The following QKI variants were observed in gnomAD, a reference collection of about 807,000 sequenced individuals.
QKI encodes the protein QKI, KH domain containing RNA binding, also known as KH domain-containing RNA-binding protein QKI.
QKI carries 10 observed loss-of-function variants against 39.0 expected under a neutral mutation model. The observed-to-expected ratio is 0.26, with a 90% CI of 0.16 to 0.43. The LOEUF (loss-of-function observed/expected upper bound fraction) is 0.43. QKI is among the 20% of genes least tolerant of loss of function. The pLI is 1.00. For missense variants in QKI, 218 were observed against 428.0 expected, an observed-to-expected ratio of 0.51 and a Z score of 4.33; for synonymous variants, 204 against 155.4, an observed-to-expected ratio of 1.31 and a Z score of -2.33.
At chr6:163,443,371 C>A (rs1789900265) in intron 1 of QKI, among the ~76,000 whole-genome samples, 1 of 152,214 alleles carries the variant, frequency 6.6e-6, no homozygotes, top group Non-Finnish European at 1.5e-5. Context: ...GAGTTCAAAA[C>A]CAGCCTGGCC....
intron 4 of QKI, among the ~76,000 whole-genome samples, chr6:163,538,358 G>A (rs189723122): frequency 2.6e-5 from 4 of 152,312 alleles, no homozygotes; most frequent in South Asian, 4.1e-4. Flanking sequence ...ACTGGGATTA[G>A]GGAACTGCTA....
chr6:163,423,303 T>G (rs1040810512), intron 1 of QKI: 3 of 152,142 alleles, frequency 2.0e-5, no homozygotes, highest in African/African-American at 7.2e-5. Context: ...CAAATAAAAT[T>G]TGGAACCTTT....
intron 3 of QKI, among the ~76,000 whole-genome samples, chr6:163,499,805 C>T (rs1156857799): frequency 6.6e-6 from 1 of 151,960 alleles, no homozygotes; most frequent in Admixed American, 6.6e-5. Context: ...AGACACAAAA[C>T]TGGGAGGTTC....
chr6:163,518,846 C>G (rs530905688), intron 3 of QKI, among the ~76,000 whole-genome samples: 4 of 152,242 alleles, frequency 2.6e-5, no homozygotes, highest in African/African-American at 7.2e-5. Flanking sequence ...ATAGATTGCC[C>G]TTTTCCATAG....
intron 3 of QKI, among the ~76,000 whole-genome samples, chr6:163,503,324 T>G (rs1400507468): frequency 1.3e-5 from 2 of 152,072 alleles, no homozygotes; most frequent in Admixed American, 1.3e-4. Context: ...CTAATTTCAT[T>G]CTTCTGCATG....
intron 4 of QKI, among the ~76,000 whole-genome samples, chr6:163,552,997 C>A (rs919185052): frequency 6.6e-6 from 1 of 151,402 alleles, no homozygotes; most frequent in Non-Finnish European, 1.5e-5. Context: ...GCCTCTCTGT[C>A]CCACCTCTCA....
chr6:163,503,353 A>G (rs1010722729), intron 3 of QKI, among the ~76,000 whole-genome samples: 1 of 151,956 alleles, frequency 6.6e-6, no homozygotes, highest in Non-Finnish European at 1.5e-5. Flanking sequence ...CAGCTCTCCC[A>G]GCACCATTGA....
intron 3 of QKI, among the ~76,000 whole-genome samples, chr6:163,516,880 C>T (rs1779834387): frequency 1.3e-5 from 2 of 152,088 alleles, no homozygotes; most frequent in South Asian, 4.1e-4. Flanking sequence ...TGTTTTGAAA[C>T]ACATATCATA....
chr6:163,561,976 G>A lies in QKI; in HGVS notation c.547-6G>A, dbSNP rs769375771. 21 of 1,611,060 alleles carry A rather than the reference G, an allele frequency of 1.3e-5. No individual in the cohort carries two copies. Among genetic ancestry groups the A allele is most frequent in the African/African-American group, 8.0e-5 (6 of 74,902 alleles). ...TGCTTTCATCTCATGTGTTTTCCAT[G>A]TATAGGCAGAAGGAGAAGACAGCCT... On this transcript the variant is annotated splice_region_variant and splice_polypyrimidine_tract_variant and intron_variant, in intron 4 of 7. Transcript: ENST00000361752.
intron 2 of QKI, among the ~76,000 whole-genome samples, chr6:163,472,000 C>T (rs1038838381): frequency 1.3e-5 from 2 of 152,098 alleles, no homozygotes; most frequent in Non-Finnish European, 2.9e-5. Context: ...AAGAAGGCCA[C>T]TTCATAATGA....
chr6:163,442,250 G>A (rs557814365), intron 1 of QKI, among the ~76,000 whole-genome samples: 1 of 152,202 alleles, frequency 6.6e-6, no homozygotes, highest in South Asian at 2.1e-4. Flanking sequence ...TCTGTAAAAT[G>A]TGCATTTTTG....
chr6:163,444,586 C>T (rs760194651), intron 1 of QKI, among the ~76,000 whole-genome samples: 4 of 152,032 alleles, frequency 2.6e-5, no homozygotes, highest in Non-Finnish European at 4.4e-5. Flanking sequence ...AAAGCTTTTG[C>T]AGGGAAAGTC....
At chr6:163,545,697 G>A (rs1296539772) in intron 4 of QKI, among the ~76,000 whole-genome samples, 1 of 151,926 alleles carries the variant, frequency 6.6e-6, no homozygotes, top group Non-Finnish European at 1.5e-5. Flanking sequence ...GTAAGGATTC[G>A]TTGAGGAACC....
intron 1 of QKI, chr6:163,455,067 C>T (rs547236809): frequency 7.0e-5 from 25 of 356,920 alleles, no homozygotes; most frequent in African/African-American, 4.0e-4. Flanking sequence ...TTATTTGATT[C>T]GTATAAAAAT....
chr6:163,563,295 CTAA>C, intron 5 of QKI, 122 bp from the exon 6 acceptor site: 1 of 877,486 alleles, frequency 1.1e-6, no homozygotes, highest in Admixed American at 2.9e-5. Context: ...AGCGCATGTA[CTAA>C]TGATTTCCTT....
intron 2 of QKI, among the ~76,000 whole-genome samples, chr6:163,469,945 A>G (rs1021782865): frequency 6.6e-6 from 1 of 152,186 alleles, no homozygotes; most frequent in Admixed American, 6.5e-5. Context: ...CAACTGCTCA[A>G]AAAGTGCCAG....
chr6:163,444,817 C>CT (rs1189621016), intron 1 of QKI, among the ~76,000 whole-genome samples: 1 of 151,916 alleles, frequency 6.6e-6, no homozygotes, highest in Admixed American at 6.6e-5. Context: ...TTTTCTTTAT[C>CT]TTTTTTCACA....
intron 7 of QKI, chr6:163,569,266 A>ACTGTTCT: frequency 1.0e-6 from 1 of 990,932 alleles, no homozygotes; most frequent in Non-Finnish European, 1.2e-6. Context: ...GTATTTATAA[A>ACTGTTCT]CTGTTCTAAA....
chr6:163,444,392 G>A (rs1410974321), intron 1 of QKI, among the ~76,000 whole-genome samples: 2 of 152,208 alleles, frequency 1.3e-5, no homozygotes, highest in Non-Finnish European at 2.9e-5. Context: ...AATCCAGGTT[G>A]TGTAAACTCA....
Sources: allele counts gnomAD v4.1 joint callset (sites outside exome capture counted in the v4.1 genomes callset), GRCh38; gene constraint gnomAD v4.1.1; transcripts MANE v1.5; gene names NCBI Gene and HGNC (gene_info 2026-07-23, HGNC 2026-07-21).